Variants in IDE observed in about 807,000 individuals in gnomAD.
IDE encodes the protein insulin-degrading enzyme.
IDE carries 58 observed loss-of-function variants against 133.2 expected under a neutral mutation model. The observed-to-expected ratio is 0.44, with a 90% CI of 0.35 to 0.54. The LOEUF (loss-of-function observed/expected upper bound fraction) is 0.54. Among genes scored for constraint, IDE ranks in the 20% least tolerant of loss-of-function variants. The probability of loss-of-function intolerance (pLI) is 0.00; values close to 1 mark genes in which losing one functional copy is unlikely to be tolerated. For missense variants in IDE, 981 were observed against 1,234.0 expected, an observed-to-expected ratio of 0.79 and a Z score of 3.07; for synonymous variants, 396 against 421.3, an observed-to-expected ratio of 0.94 and a Z score of 0.73.
intron 1 of IDE, among the ~76,000 whole-genome samples, chr10:92,555,828 T>C (rs1281861678): frequency 1.3e-5 from 2 of 152,116 alleles, no homozygotes; most frequent in African/African-American, 2.4e-5. Context: ...TCCTGGAAGT[T>C]CTAAACAGAC....
Position 92,530,226 on chromosome 10 carries a change from C to CAATAAATAAATA in IDE, c.661+1510_661+1521dup, listed in dbSNP as rs200517884. On this transcript the variant is annotated intron_variant, in intron 4 of 24. Coordinates refer to ENST00000265986, the MANE Select transcript of IDE (RefSeq NM_004969.4). ...GGGTGATAAGAGCCAGACTCCGTCT[C>CAATAAATAAATA]AATAAATAAATAAATAAATAAATAA... is the stretch of plus-strand genomic sequence containing the variant. Among the ~76,000 whole-genome samples the CAATAAATAAATA allele has an allele frequency of 1.3e-3, 200 of 149,728 alleles. 1 individual carries two copies. Among genetic ancestry groups the CAATAAATAAATA allele is most frequent in the East Asian group, 0.012 (61 of 5,074 alleles).
At chr10:92,510,813 C>T (rs1564635707) in intron 5 of IDE, among the ~76,000 whole-genome samples, 1 of 149,372 alleles carries the variant, frequency 6.7e-6, no homozygotes, top group Non-Finnish European at 1.5e-5. Context: ...ATACATATCA[C>T]ATATATGATA....
intron 13 of IDE, 93 bp from the exon 14 acceptor site, chr10:92,483,430 C>A: frequency 1.4e-6 from 1 of 713,404 alleles, no homozygotes; most frequent in South Asian, 1.6e-5. Context: ...AGGACAGAAG[C>A]AATAGTTAGA....
intron 1 of IDE, among the ~76,000 whole-genome samples, chr10:92,558,586 T>C (rs913923683): frequency 6.6e-6 from 1 of 152,106 alleles, no homozygotes; most frequent in Non-Finnish European, 1.5e-5. Flanking sequence ...GTATAGAGAA[T>C]ATATTTTTTC....
At chr10:92,517,729 A>G (rs1010622544) in intron 4 of IDE, among the ~76,000 whole-genome samples, 5 of 152,094 alleles carry the variant, frequency 3.3e-5, no homozygotes, top group African/African-American at 1.2e-4. Flanking sequence ...TTGGGAGGCC[A>G]AGGCAGGTGC....
In IDE at chr10:92,454,375, G is replaced by A. The variant is rs530042114; in HGVS notation, c.*69C>T. 3 of 1,063,144 alleles carry A rather than the reference G, an allele frequency of 2.8e-6. No individual in the cohort carries two copies. In the Admixed American group the frequency reaches 5.2e-5, roughly 18 times the overall value. 65.9% of individuals were successfully genotyped at this position (1,063,144 alleles called of 1,614,324 possible). On this transcript the variant is annotated 3_prime_UTR_variant, in exon 25 of 25. Coordinates refer to ENST00000265986, the MANE Select transcript of IDE (RefSeq NM_004969.4). ...AATCAGAAACTATTAAAGTGGCCAA[G>A]ATGATTTTCTTAGGCTCTGGAAGAC...
intron 1 of IDE, 62 bp from the exon 2 acceptor site, chr10:92,537,612 C>A (rs1204665404): frequency 1.1e-5 from 14 of 1,251,492 alleles, no homozygotes; most frequent in Non-Finnish European, 1.6e-5. Context: ...CAAACAATAA[C>A]GTCAAGTAAA....
Position 92,475,884 on chromosome 10 carries a change from T to A in IDE, c.1995A>T (p.Ala665=), listed in dbSNP as rs1205024740. The A allele has an allele frequency of 8.1e-7, 1 of 1,234,102 alleles. No individual in the cohort carries two copies. Among genetic ancestry groups the A allele is most frequent in the Non-Finnish European group, 1.2e-6 (1 of 857,474 alleles). The allele number at this position is 1,234,102 out of a possible 1,614,324, so 76.4% of individuals were successfully genotyped here. Residue 665 remains alanine, a splice_region_variant and synonymous_variant, in exon 16 of 25, where the codon GCA becomes GCT. Coordinates refer to ENST00000265986, the MANE Select transcript of IDE (RefSeq NM_004969.4). ...AAAAAGCAGGGTTCAGAAAACTTACTGCTTCTTTGATAATTTCAAATCTTT... is the reference window on the plus strand; with the variant it reads ...AAAAAGCAGGGTTCAGAAAACTTACAGCTTCTTTGATAATTTCAAATCTTT... ...DEKRFEIIKE[A]YMRSLNNFRA...
At chr10:92,478,472 T>C (rs1170001720) in intron 15 of IDE, among the ~76,000 whole-genome samples, 3 of 152,242 alleles carry the variant, frequency 2.0e-5, no homozygotes, top group African/African-American at 7.2e-5. Context: ...TAAACTTTAT[T>C]AAATCATTCA....
chr10:92,490,492 C>T lies in IDE; in HGVS notation c.1533+1G>A. ...CTTATTCATAGATGAGTTAACCCTACCTTGATGACTTCATCCGGTATAGCT... is the reference window on the plus strand; with the variant it reads ...CTTATTCATAGATGAGTTAACCCTATCTTGATGACTTCATCCGGTATAGCT... On this transcript the variant is annotated splice_donor_variant, in intron 12 of 24. Transcript: ENST00000265986. LOFTEE classifies it high-confidence loss of function. The T allele has an allele frequency of 6.4e-7, 1 of 1,569,638 alleles. No homozygotes were observed. The highest frequency in any genetic ancestry group is 1.3e-5 in the African/African-American group (1 of 74,082).
chr10:92,569,361 T>C (rs965827270), intron 1 of IDE, among the ~76,000 whole-genome samples: 1 of 152,238 alleles, frequency 6.6e-6, no homozygotes, highest in African/African-American at 2.4e-5. Context: ...TTGGGAAAAG[T>C]GGTTTATTAA....
intron 1 of IDE, among the ~76,000 whole-genome samples, chr10:92,571,532 C>T (rs1004278365): frequency 2.0e-5 from 3 of 152,126 alleles, no homozygotes; most frequent in African/African-American, 7.2e-5. Flanking sequence ...GACTGATGCC[C>T]AGGTGGCTCA....
rs187468689 is a variant in IDE, at chr10:92,513,368, T to C, written c.784+1552A>G. Among the ~76,000 whole-genome samples, 123 of 152,310 alleles carry C rather than the reference T, an allele frequency of 8.1e-4. 2 individuals are homozygous for C. In the East Asian group the frequency reaches 0.022, roughly 28 times the overall value. ...CCACCATGCCCGGTTAATTTTTATA[T>C]TTTTAGTAGAGATGGGGTTTCGCCA... On this transcript the variant is annotated intron_variant, in intron 5 of 24. Coordinates refer to ENST00000265986, the MANE Select transcript of IDE (RefSeq NM_004969.4).
intron 18 of IDE, among the ~76,000 whole-genome samples, chr10:92,469,783 A>G (rs1845871139): frequency 6.6e-6 from 1 of 152,176 alleles, no homozygotes; most frequent in African/African-American, 2.4e-5. Context: ...CTAAGTACTT[A>G]GCATGTACTA....
At chr10:92,560,959 T>C (rs1843252022) in intron 1 of IDE, among the ~76,000 whole-genome samples, 1 of 151,598 alleles carries the variant, frequency 6.6e-6, no homozygotes, top group Admixed American at 6.6e-5. Context: ...TCAGGCCGGG[T>C]GTGGTGGCTC....
At chr10:92,508,011 T>G (rs969067865) in intron 8 of IDE, 102 bp downstream of exon 8, 21 of 831,904 alleles carry the variant, frequency 2.5e-5, no homozygotes, top group Non-Finnish European at 4.0e-5. Flanking sequence ...AATTAAAGTG[T>G]TGTAGCTTTC....
intron 3 of IDE, among the ~76,000 whole-genome samples, chr10:92,533,287 G>A (rs1324149107): frequency 6.6e-6 from 1 of 152,032 alleles, no homozygotes; most frequent in Non-Finnish European, 1.5e-5. Context: ...ATGATCCCAG[G>A]GAACTAATTA....
chr10:92,496,815 C>T (rs1847730606), intron 11 of IDE, among the ~76,000 whole-genome samples: 1 of 152,098 alleles, frequency 6.6e-6, no homozygotes, highest in Non-Finnish European at 1.5e-5. Flanking sequence ...AAGGAGAAAT[C>T]ACATCTCCAA....
intron 13 of IDE, among the ~76,000 whole-genome samples, chr10:92,484,477 A>C (rs1846843348): frequency 6.6e-6 from 1 of 152,152 alleles, no homozygotes; most frequent in Admixed American, 6.5e-5. Context: ...TCACACCTGT[A>C]ATCCCAGCAC....
Sources: allele counts gnomAD v4.1 joint callset (sites outside exome capture counted in the v4.1 genomes callset), GRCh38; gene constraint gnomAD v4.1.1; transcripts MANE v1.5; gene names NCBI Gene and HGNC (gene_info 2026-07-23, HGNC 2026-07-21).